ATXN7: variants seen among roughly 807,000 people sequenced by gnomAD.
ATXN7 encodes ataxin 7.
A neutral mutation model predicts 70.5 loss-of-function variants in ATXN7; 12 were observed. The ratio of observed to expected loss-of-function variants is 0.17; its 90% CI spans 0.11 to 0.28. The LOEUF (loss-of-function observed/expected upper bound fraction) is 0.28. Among genes scored for constraint, ATXN7 ranks in the 10% least tolerant of loss-of-function variants. ATXN7 has a pLI of 1.00. For synonymous variants in ATXN7, 498 were observed against 448.7 expected (o/e 1.11, Z -1.39); for missense variants, 1,256 against 1,131.7 (o/e 1.11, Z -1.58).
chr3:63,981,659 C>T (rs1328189696), intron 6 of ATXN7, among the ~76,000 whole-genome samples: 4 of 152,160 alleles, frequency 2.6e-5, no homozygotes, highest in Non-Finnish European at 4.4e-5. Context: ...ACACTAGTCT[C>T]CCTTATTGAC....
intron 2 of ATXN7, among the ~76,000 whole-genome samples, chr3:63,898,888 T>C (rs936473293): frequency 6.6e-6 from 1 of 152,146 alleles, no homozygotes; most frequent in African/African-American, 2.4e-5. Context: ...TTCCATGTAA[T>C]GTAGACCCAG....
chr3:63,995,069 T>C (rs566889435), intron 11 of ATXN7, among the ~76,000 whole-genome samples: 2 of 152,336 alleles, frequency 1.3e-5, no homozygotes, highest in South Asian at 2.1e-4. Context: ...CTTCTGTGTT[T>C]CCTGCACTGT....
intron 5 of ATXN7, among the ~76,000 whole-genome samples, chr3:63,973,641 G>A (rs1246519930): frequency 1.3e-5 from 2 of 152,124 alleles, no homozygotes; most frequent in Non-Finnish European, 2.9e-5. Context: ...TTGTACCTGC[G>A]TTTGGCAGTT....
At chr3:63,990,424 A>G in intron 10 of ATXN7, 50 bp downstream of exon 10, 2 of 1,600,038 alleles carry the variant, frequency 1.2e-6, no homozygotes, top group South Asian at 1.1e-5. Flanking sequence ...CAGCATGGAC[A>G]GGGCACTGCA....
At chr3:63,970,460 T>C (rs1336392656) in intron 5 of ATXN7, among the ~76,000 whole-genome samples, 23 of 152,198 alleles carry the variant, frequency 1.5e-4, no homozygotes, top group Admixed American at 1.5e-3. Flanking sequence ...GTTGTGACAT[T>C]CTGTACCTCC....
chr3:63,894,081 G>A (rs981077320), intron 1 of ATXN7, among the ~76,000 whole-genome samples: 4 of 152,226 alleles, frequency 2.6e-5, no homozygotes, highest in Admixed American at 6.5e-5. Flanking sequence ...TAGGAAGACA[G>A]TATAGTTTTG....
chr3:63,979,450 G>A (rs2075449459), intron 5 of ATXN7, among the ~76,000 whole-genome samples: 1 of 152,160 alleles, frequency 6.6e-6, no homozygotes, highest in Non-Finnish European at 1.5e-5. Context: ...AAAAAAAGAA[G>A]GTACAACTTG....
Position 63,999,769 on chromosome 3 carries a change from T to G in ATXN7, c.*302T>G, listed in dbSNP as rs537003212. ...GAGAAGTTTTTGTTTTTGTTTTGTT[T>G]TTTAACTTGCAGTATATCACAGAGC... is the stretch of plus-strand genomic sequence containing the variant. On this transcript the variant is annotated 3_prime_UTR_variant, in exon 13 of 13. Coordinates refer to ENST00000674280, the MANE Select transcript of ATXN7 (RefSeq NM_001377405.1). 4.1e-4 allele frequency: 228 copies of G among 560,814 alleles called. 1 individual carries two copies. The South Asian group carries it at 4.9e-3, about 12-fold the overall frequency. The allele number at this position is 560,814 out of a possible 1,614,324, so 34.7% of individuals were successfully genotyped here.
chr3:63,996,434 G>C lies in ATXN7; in HGVS notation c.2612G>C (p.Gly871Ala). Residue 871 changes from glycine (G) to alanine (A), a missense_variant, in exon 12 of 13, where the codon GGC becomes GCC. Transcript: ENST00000674280. ...AVNNVHMKHT[G>A]TIPGAQGLMN... ...AACAATGTCCACATGAAACACACAG[G>C]CACCATCCCAGGGGCACAAGGACTG... The C allele has an allele frequency of 1.2e-6, 2 of 1,614,122 alleles. No homozygotes were observed. Among genetic ancestry groups the C allele is most frequent in the African/African-American group, 1.3e-5 (1 of 75,014 alleles).
rs991309860 is a variant in ATXN7 at position 63,881,255 on chromosome 3, A to T, written c.-111+17097A>T. On this transcript the variant is annotated intron_variant, in intron 1 of 12. Transcript: ENST00000674280. Reference sequence around the variant, plus strand: ...TCTTAGCCATGCCTTTTTGTGATTGAGTAGTACCAATGCTGAGAATGCTGA... The same window carrying T: ...TCTTAGCCATGCCTTTTTGTGATTGTGTAGTACCAATGCTGAGAATGCTGA... 2.6e-4 allele frequency among the ~76,000 whole-genome samples: 5 copies of T among 19,002 alleles called. No individual in the cohort carries two copies. The Admixed American group carries it at 3.2e-3, about 12-fold the overall frequency. 12.5% of individuals were successfully genotyped at this position (19,002 alleles called of 152,430 possible).
intron 1 of ATXN7, among the ~76,000 whole-genome samples, chr3:63,893,839 A>AG (rs1703362032): frequency 6.6e-6 from 1 of 152,328 alleles, no homozygotes; most frequent in Non-Finnish European, 1.5e-5. Flanking sequence ...CATTGAAAAA[A>AG]GAGGTTGTGT....
intron 1 of ATXN7, among the ~76,000 whole-genome samples, chr3:63,886,821 G>A (rs1327317374): frequency 6.6e-6 from 1 of 152,198 alleles, no homozygotes; most frequent in East Asian, 1.9e-4. Context: ...AAGTGGGGCA[G>A]TTCTTCCTTG....
chr3:63,988,711 C>T (rs2075618243), intron 9 of ATXN7, among the ~76,000 whole-genome samples: 1 of 152,166 alleles, frequency 6.6e-6, no homozygotes, highest in Non-Finnish European at 1.5e-5. Context: ...TTGCTAGGGA[C>T]AAGCCGTTTA....
chr3:63,965,093 C>G lies in ATXN7; in HGVS notation c.499+12610C>G, dbSNP rs148837219. The stretch of plus-strand genomic sequence containing the variant: ...TTCTCAAGGATTCAGTTTAGGAAAT[C>G]CCAAGATTTGTAGGGGACTTGACTA... On this transcript the variant is annotated intron_variant, in intron 5 of 12. Transcript: ENST00000674280. 5.2e-3 allele frequency among the ~76,000 whole-genome samples: 792 copies of G among 152,258 alleles called. 8 individuals carry two copies. The highest frequency in any genetic ancestry group is 0.018 in the African/African-American group (748 of 41,550).
At chr3:63,955,538 C>T (rs2075025302) in intron 5 of ATXN7, among the ~76,000 whole-genome samples, 1 of 152,112 alleles carries the variant, frequency 6.6e-6, no homozygotes, top group Non-Finnish European at 1.5e-5. Flanking sequence ...CCCAGTGCTG[C>T]CACAGTGTCG....
chr3:63,919,088 A>G (rs1269775599), intron 4 of ATXN7, among the ~76,000 whole-genome samples: 1 of 152,144 alleles, frequency 6.6e-6, no homozygotes, highest in Non-Finnish European at 1.5e-5. Context: ...GTGTGGGCCA[A>G]ATCTTGCCTG....
intron 7 of ATXN7, among the ~76,000 whole-genome samples, chr3:63,982,700 G>A (rs190924498): frequency 2.4e-4 from 37 of 151,312 alleles, no homozygotes; most frequent in African/African-American, 8.7e-4. Context: ...TCTGAAGGAA[G>A]TAATACAGAC....
chr3:63,947,651 T>C (rs1375161261), intron 4 of ATXN7, among the ~76,000 whole-genome samples: 2 of 152,104 alleles, frequency 1.3e-5, no homozygotes, highest in African/African-American at 4.8e-5. Context: ...TTCTTTTGAT[T>C]GAGGGAACCA....
intron 4 of ATXN7, among the ~76,000 whole-genome samples, chr3:63,915,921 G>A (rs895502501): frequency 3.9e-5 from 6 of 151,918 alleles, no homozygotes; most frequent in African/African-American, 1.5e-4. Flanking sequence ...CCTGACCTCA[G>A]GTGATCCACC....
Sources: allele counts gnomAD v4.1 joint callset (sites outside exome capture counted in the v4.1 genomes callset), GRCh38; gene constraint gnomAD v4.1.1; transcripts MANE v1.5; gene names NCBI Gene and HGNC (gene_info 2026-07-23, HGNC 2026-07-21).